The following OLAH variants were observed in gnomAD, a reference collection of about 807,000 sequenced individuals.
The protein encoded by OLAH is S-acyl fatty acid synthase thioesterase, medium chain.
Under a neutral mutation model 27.8 loss-of-function variants are expected in OLAH, and 33 were observed. The ratio of observed to expected loss-of-function variants is 1.19; its 90% CI spans 0.90 to 1.59. OLAH has a LOEUF of 1.59. Among genes scored for constraint, OLAH ranks in the 40% most tolerant of loss-of-function variants. The pLI is 0.00. For missense variants in OLAH, 359 were observed against 310.8 expected, an observed-to-expected ratio of 1.16 and a Z score of -1.17; for synonymous variants, 120 against 102.9, an observed-to-expected ratio of 1.17 and a Z score of -1.01.
chr10:15,041,578 A>G (rs1843920928), upstream of OLAH, among the ~76,000 whole-genome samples: 1 of 135,676 alleles, frequency 7.4e-6, no homozygotes, highest in African/African-American at 2.8e-5. Flanking sequence ...ATACCCAGCC[A>G]TTTTTTTTTT....
In OLAH at chr10:15,043,979, C is replaced by T. The variant is rs1843967791; in HGVS notation, c.-171C>T. On this transcript the variant is annotated 5_prime_UTR_variant, in exon 1 of 8. Transcript: ENST00000378228. ...TGTCTGCTCAGAGTTCATCTCAAAG[C>T]CTGGCAAGTGAGTATCTTATATTTT... 1 of 152,132 alleles carries T rather than the reference C, an allele frequency of 6.6e-6. No homozygotes were observed. Among genetic ancestry groups the T allele is most frequent in the South Asian group, 2.1e-4 (1 of 4,820 alleles). 9.4% of individuals were successfully genotyped at this position (152,132 alleles called of 1,614,324 possible).
intron 3 of OLAH, 41 bp downstream of exon 3, chr10:15,049,806 C>T (rs372961669): frequency 2.6e-6 from 4 of 1,567,438 alleles, no homozygotes; most frequent in South Asian, 2.4e-5. Flanking sequence ...TTTAAAAGGG[C>T]AGATGACATA....
intron 3 of OLAH, among the ~76,000 whole-genome samples, chr10:15,061,188 C>T (rs1359255052): frequency 1.3e-5 from 2 of 152,120 alleles, no homozygotes; most frequent in Non-Finnish European, 2.9e-5. Context: ...ACTTTTTCCC[C>T]CATCCAGAGC....
intron 1 of OLAH, among the ~76,000 whole-genome samples, chr10:15,045,892 C>T (rs1299946535): frequency 6.6e-6 from 1 of 151,884 alleles, no homozygotes; most frequent in Non-Finnish European, 1.5e-5. Context: ...TTAGCCAAGC[C>T]TGGTGGCGGG....
rs936174958 is a variant in OLAH, at chr10:15,054,573, T to C, written c.163+4808T>C. 2.0e-5 allele frequency among the ~76,000 whole-genome samples: 3 copies of C among 152,038 alleles called. No individual in the cohort carries two copies. The East Asian group carries it at 5.9e-4, about 30-fold the overall frequency. On this transcript the variant is annotated intron_variant, in intron 3 of 7. Transcript: ENST00000378228. ...TAGTTTTCTTGAGGCTCTCCATGTG[T>C]CCCTATGCTGGAACCTTTTCTGCCT...
At chr10:15,043,934 A>G (rs1843966694), upstream of OLAH, 1 of 152,168 alleles carries the variant, frequency 6.6e-6, no homozygotes. Flanking sequence ...TGGCAATCCA[A>G]AGAAAGTCAT....
Position 15,037,171 on chromosome 10 carries a change from G to C in OLAH, c.-164+4821G>C, listed in dbSNP as rs1456229370. Among the ~76,000 whole-genome samples the C allele has an allele frequency of 2.6e-5, 4 of 151,796 alleles. No individual in the cohort carries two copies. The East Asian group carries it at 7.7e-4, about 29-fold the overall frequency. ...CACATAACATTAAAAAAAAAAAGGTGCGTATTGTAAATCCGACAGTAACCA... is the reference window on the plus strand; with the variant it reads ...CACATAACATTAAAAAAAAAAAGGTCCGTATTGTAAATCCGACAGTAACCA... On this transcript the variant is annotated intron_variant, in intron 1 of 3. Coordinates refer to the OLAH transcript ENST00000413672.
Position 15,049,690 on chromosome 10 carries a change from A to C in OLAH, c.88A>C (p.Ile30Leu). Residue 30 changes from isoleucine to leucine, a missense_variant, in exon 3 of 8, where the codon ATT becomes CTT. Physicochemically the swap from Ile to Leu is conservative, Grantham distance 5. Transcript: ENST00000378228. ...AAACCCTGAGGCAACTTTTAAGCTG[A>C]TTTGCTTTCCCTGGATGGGAGGTGG... ...YKNPEATFKL[I>L]CFPWMGGGST... 2 of 1,609,742 alleles carry C rather than the reference A, an allele frequency of 1.2e-6. No individual in the cohort carries two copies. The highest frequency in any genetic ancestry group is 1.7e-6 in the Non-Finnish European group (2 of 1,178,878).
At chr10:15,048,991 T>C (rs1199806196) in intron 2 of OLAH, among the ~76,000 whole-genome samples, 2 of 151,690 alleles carry the variant, frequency 1.3e-5, no homozygotes, top group African/African-American at 4.8e-5. Flanking sequence ...TAATCTCAAC[T>C]ACATGGGAGG....
intron 1 of OLAH, among the ~76,000 whole-genome samples, chr10:15,034,118 T>TTC (rs752588828): frequency 0.067 from 4,129 of 61,214 alleles, 103 homozygotes; most frequent in South Asian, 0.19. Flanking sequence ...TTTTTTTCTT[T>TTC]TTTTTTTTTT....
At chr10:15,043,446 C>T (rs1241699318), upstream of OLAH, among the ~76,000 whole-genome samples, 1 of 149,904 alleles carries the variant, frequency 6.7e-6, no homozygotes, top group Non-Finnish European at 1.5e-5. Context: ...GTCAATTCAC[C>T]TTTTTCCACC....
At chr10:15,050,685 C>A (rs914448036) in intron 3 of OLAH, among the ~76,000 whole-genome samples, 3 of 151,870 alleles carry the variant, frequency 2.0e-5, no homozygotes, top group Non-Finnish European at 4.4e-5. Flanking sequence ...GAACTACAGG[C>A]GCCTGCCACA....
rs1844034941 is a variant in OLAH at position 15,047,170 on chromosome 10, TACTC to T, written c.-114_-111del. The T allele has an allele frequency of 2.3e-6, 2 of 877,762 alleles. No homozygotes were observed. Among genetic ancestry groups the T allele is most frequent in the Non-Finnish European group, 3.4e-6 (2 of 582,542 alleles). The allele number at this position is 877,762 out of a possible 1,614,324, so 54.4% of individuals were successfully genotyped here. On this transcript the variant is annotated 5_prime_UTR_variant, in exon 2 of 8. Transcript: ENST00000378228. ...GAGTCAGCGCCTTTAAAAAGAAATC[TACTC>T]ACTCTTCTGTGTGCATAAGGCCGAG... is the stretch of plus-strand genomic sequence containing the variant.
At chr10:15,054,033 T>C (rs1230780686) in intron 3 of OLAH, among the ~76,000 whole-genome samples, 2 of 146,226 alleles carry the variant, frequency 1.4e-5, no homozygotes, top group African/African-American at 2.5e-5. Flanking sequence ...CTCAATCCTC[T>C]TAAGCATTTT....
intron 4 of OLAH, 61 bp from the exon 5 acceptor site, chr10:15,064,342 C>T (rs761023321): frequency 2.9e-5 from 27 of 920,152 alleles, no homozygotes; most frequent in East Asian, 2.0e-4. Flanking sequence ...TTTTGACTTT[C>T]GGTGGATCAT....
At chr10:15,061,559 T>C (rs1252754423) in intron 3 of OLAH, among the ~76,000 whole-genome samples, 165 bp from the exon 4 acceptor site, 1 of 152,204 alleles carries the variant, frequency 6.6e-6, no homozygotes. Context: ...TTTTATCTTC[T>C]TGCTTTTATT....
At chr10:15,060,908 C>G (rs1057172363) in intron 3 of OLAH, among the ~76,000 whole-genome samples, 4 of 152,124 alleles carry the variant, frequency 2.6e-5, no homozygotes, top group African/African-American at 7.2e-5. Flanking sequence ...CTCTAGCAAG[C>G]AAGCCAATAA....
In OLAH at chr10:15,073,105, G is replaced by C. The variant is rs768333333; in HGVS notation, c.674G>C (p.Ser225Thr). 33 of 1,613,058 alleles carry C rather than the reference G, an allele frequency of 2.0e-5. 1 individual carries two copies. In the Middle Eastern group the frequency reaches 4.9e-4, roughly 24 times the overall value. ...TTTTCAGCCTGGAAAGATGTAACCA[G>C]TGGAAATGCTAAAATTTACCAGCTT... ...KDMEAWKDVTSGNAKIYQLPG... is the reference protein window; with the variant it reads ...KDMEAWKDVTTGNAKIYQLPG... The change falls in exon 8 of 8, where the codon AGT becomes ACT. Residue 225 changes from serine to threonine, a missense_variant. Physicochemically the swap from Ser to Thr is moderately conservative, Grantham distance 58. Transcript: ENST00000378228.
At chr10:15,056,880 C>G in intron 3 of OLAH, 1 of 1,532,448 alleles carries the variant, frequency 6.5e-7, no homozygotes, top group African/African-American at 1.4e-5. Context: ...CTCAAGTGAT[C>G]CTCCTGCTTC....
Sources: allele counts gnomAD v4.1 joint callset (sites outside exome capture counted in the v4.1 genomes callset), GRCh38; gene constraint gnomAD v4.1.1; transcripts MANE v1.5; gene names NCBI Gene and HGNC (gene_info 2026-07-23, HGNC 2026-07-21).